The following LINGO2 variants were observed in gnomAD, a reference collection of about 807,000 sequenced individuals.
LINGO2 encodes leucine-rich repeat and immunoglobulin-like domain-containing nogo receptor-interacting protein 2.
In LINGO2, 14 loss-of-function variants were observed where a neutral mutation model predicts 30.6. The observed-to-expected ratio is 0.46, with a 90% CI of 0.30 to 0.72. LINGO2 has a LOEUF of 0.72. Ranked by LOEUF, LINGO2 falls within the 30% of genes least tolerant of loss-of-function variation. The pLI is 0.07. For missense variants in LINGO2, 729 were observed against 751.7 expected (o/e 0.97, Z 0.35); for synonymous variants, 317 against 288.5 (o/e 1.10, Z -1.00).
At chr9:29,210,723 G>A in the LINGO2 span, among the ~76,000 whole-genome samples, 1 of 152,084 alleles carries the variant, frequency 6.6e-6, no homozygotes, top group East Asian at 1.9e-4. Context: ...TAACATATAT[G>A]TACCTTAATC....
the LINGO2 span, among the ~76,000 whole-genome samples, chr9:28,729,473 C>T: frequency 1.3e-5 from 2 of 151,882 alleles, no homozygotes; most frequent in African/African-American, 2.4e-5. Context: ...GAAGTTTTCA[C>T]AACAAACAAA....
chr9:28,297,880 G>T (rs952233347), intron 3 of LINGO2, among the ~76,000 whole-genome samples: 4 of 152,204 alleles, frequency 2.6e-5, no homozygotes, highest in Admixed American at 2.6e-4. Context: ...TGTGTGCTCT[G>T]CATCACATCC....
chr9:28,601,938 G>C (rs1230098413), intron 1 of LINGO2, among the ~76,000 whole-genome samples: 1 of 152,022 alleles, frequency 6.6e-6, no homozygotes, highest in East Asian at 1.9e-4. Context: ...AGAAAAATAA[G>C]TAACAAAACT....
the LINGO2 span, among the ~76,000 whole-genome samples, chr9:28,814,049 A>G: frequency 6.6e-6 from 1 of 152,224 alleles, no homozygotes; most frequent in Non-Finnish European, 1.5e-5. Context: ...GAATTTTTAT[A>G]GAGATAATTC....
chr9:28,021,095 T>A (rs1177639171), intron 4 of LINGO2, among the ~76,000 whole-genome samples: 1 of 152,124 alleles, frequency 6.6e-6, no homozygotes, highest in African/African-American at 2.4e-5. Context: ...CTTAACTTGC[T>A]CTTTTTTAAT....
chr9:28,192,247 A>T (rs10121421), intron 4 of LINGO2, among the ~76,000 whole-genome samples: 6,774 of 152,144 alleles, frequency 0.045, 222 homozygotes, highest in South Asian at 0.1. Context: ...ACAAATATAT[A>T]TACATGTTAT....
intron 3 of LINGO2, among the ~76,000 whole-genome samples, chr9:28,340,687 C>T (rs1825738721): frequency 6.6e-6 from 1 of 152,004 alleles, no homozygotes; most frequent in Non-Finnish European, 1.5e-5. Flanking sequence ...TGGCTAATTT[C>T]TTAGTAGTGC....
At chr9:28,759,012 T>C in the LINGO2 span, among the ~76,000 whole-genome samples, 1 of 152,124 alleles carries the variant, frequency 6.6e-6, no homozygotes, top group Non-Finnish European at 1.5e-5. Context: ...CAACCTTTCA[T>C]TTATTTAAAG....
At chr9:28,766,121 G>T in the LINGO2 span, among the ~76,000 whole-genome samples, 1 of 151,986 alleles carries the variant, frequency 6.6e-6, no homozygotes, top group Non-Finnish European at 1.5e-5. Flanking sequence ...AAAAGCTTTT[G>T]CACAACAAAG....
the LINGO2 span, among the ~76,000 whole-genome samples, chr9:29,169,326 A>G: frequency 6.6e-6 from 1 of 152,210 alleles, no homozygotes; most frequent in African/African-American, 2.4e-5. Context: ...AGTAAGAGGC[A>G]AGCCTTTGTG....
Position 28,552,849 on chromosome 9 carries a change from G to T in LINGO2, c.-364-76824C>A, listed in dbSNP as rs539416235. Among the ~76,000 whole-genome samples, 12 of 143,174 alleles carry T rather than the reference G, an allele frequency of 8.4e-5. No individual in the cohort carries two copies. In the South Asian group the frequency reaches 2.4e-3, roughly 29 times the overall value. 93.9% of individuals were successfully genotyped at this position (143,174 alleles called of 152,430 possible). On this transcript the variant is annotated intron_variant, in intron 1 of 5. Coordinates refer to ENST00000379992, the Ensembl canonical transcript of LINGO2. ...AACTTTACCCCCTAAAACTTTCATT[G>T]TATTTTTCCATTTACACTATCTTAG...
chr9:29,131,769 C>CAT, the LINGO2 span, among the ~76,000 whole-genome samples: 5 of 151,894 alleles, frequency 3.3e-5, no homozygotes, highest in African/African-American at 9.7e-5. Context: ...CAAAATGCAT[C>CAT]ATATAAAAAA....
At chr9:29,200,021 T>A in the LINGO2 span, among the ~76,000 whole-genome samples, 6 of 152,048 alleles carry the variant, frequency 3.9e-5, no homozygotes, top group Middle Eastern at 3.4e-3. Context: ...TTATCACATA[T>A]CACCAAGAGA....
At chr9:28,002,081 TA>T (rs935822795) in intron 5 of LINGO2, among the ~76,000 whole-genome samples, 27 of 152,324 alleles carry the variant, frequency 1.8e-4, no homozygotes, top group African/African-American at 6.3e-4. Flanking sequence ...TCAGATAGGC[TA>T]AACCTAGACC....
At chr9:28,604,071 G>A (rs1301388037) in intron 1 of LINGO2, among the ~76,000 whole-genome samples, 1 of 151,802 alleles carries the variant, frequency 6.6e-6, no homozygotes, top group Non-Finnish European at 1.5e-5. Context: ...AATTCTCTAT[G>A]GCCTTTTACA....
chr9:28,947,886 A>G, the LINGO2 span, among the ~76,000 whole-genome samples: 5 of 152,092 alleles, frequency 3.3e-5, no homozygotes, highest in South Asian at 2.1e-4. Context: ...TAAGGATCCT[A>G]TATCTTGAAA....
At chr9:28,763,799 A>G in the LINGO2 span, among the ~76,000 whole-genome samples, 1 of 151,696 alleles carries the variant, frequency 6.6e-6, no homozygotes, top group Non-Finnish European at 1.5e-5. Flanking sequence ...GAAGAGAGAG[A>G]GAGAGAGGAT....
chr9:28,924,637 G>A, the LINGO2 span, among the ~76,000 whole-genome samples: 4 of 152,178 alleles, frequency 2.6e-5, no homozygotes, highest in Non-Finnish European at 5.9e-5. Flanking sequence ...AACTATAGAT[G>A]TTTGGAAGGG....
chr9:29,164,589 T>G, the LINGO2 span, among the ~76,000 whole-genome samples: 3 of 139,220 alleles, frequency 2.2e-5, no homozygotes, highest in South Asian at 2.3e-4. Flanking sequence ...GGGTGGGGGG[T>G]TGGGGGTAAC....
Sources: gnomAD v4.1 joint callset for allele counts (sites outside exome capture counted in the v4.1 genomes callset) on GRCh38, gnomAD v4.1.1 for gene constraint, MANE v1.5 for transcripts, NCBI Gene and HGNC (gene_info 2026-07-23, HGNC 2026-07-21) for gene names.